ITIH2: variants seen among roughly 807,000 people sequenced by gnomAD.
ITIH2 encodes inter-alpha-trypsin inhibitor heavy chain 2, also known as inter-alpha-trypsin inhibitor heavy chain H2.
ITIH2 carries 103 observed loss-of-function variants against 104.4 expected under a neutral mutation model. The observed-to-expected ratio is 0.99, with a 90% CI of 0.84 to 1.16. ITIH2 has a LOEUF of 1.16. Among genes scored for constraint, ITIH2 ranks in the 50% most tolerant of loss-of-function variants. The pLI is 0.00. For synonymous variants in ITIH2, 436 were observed against 435.4 expected, an observed-to-expected ratio of 1.00 and a Z score of -0.02; for missense variants, 1,108 against 1,162.4, an observed-to-expected ratio of 0.95 and a Z score of 0.68.
chr10:7,717,986 C>T (rs1191706400), intron 6 of ITIH2, among the ~76,000 whole-genome samples, 198 bp downstream of exon 6: 7 of 152,126 alleles, frequency 4.6e-5, no homozygotes, highest in East Asian at 1.9e-4. Flanking sequence ...CCTTAGCAGC[C>T]GTATTATGGT....
At position 7,720,923 on chromosome 10, in the gene ITIH2, A is replaced by G. The variant is rs370966402; in HGVS notation, c.698A>G (p.His233Arg). Residue 233 changes from histidine (H) to arginine (R), a missense_variant, in exon 7 of 21, where the codon CAT becomes CGT. Transcript: ENST00000358415. ...CATGTTCCCGACACATTTGAAGGCCATTTCGATGGTGTTCCGGTCATTTCT... is the reference window on the plus strand; with the variant it reads ...CATGTTCCCGACACATTTGAAGGCCGTTTCGATGGTGTTCCGGTCATTTCT... ...FLHVPDTFEG[H>R]FDGVPVISKG... is the part of the protein sequence containing the mutation. 13 of 1,613,682 alleles carry G rather than the reference A, an allele frequency of 8.1e-6. No individual in the cohort carries two copies. The highest frequency in any genetic ancestry group is 1.6e-4 in the Middle Eastern group (1 of 6,082).
rs371094996 is a variant in ITIH2 at position 7,730,114 on chromosome 10, A to G, written c.1442A>G (p.Asp481Gly). 1.9e-6 allele frequency: 3 copies of G among 1,600,906 alleles called. No individual in the cohort carries two copies. The highest frequency in any genetic ancestry group is 2.6e-6 in the Non-Finnish European group (3 of 1,175,912). The change falls in exon 12 of 21, where the codon GAC becomes GGC. Residue 481 changes from aspartate to glycine, a missense_variant. Asp to Gly is a moderately conservative substitution (Grantham distance 94). Coordinates refer to ENST00000358415, the MANE Select transcript of ITIH2 (RefSeq NM_002216.3). ...GIAQRIYGNQ[D>G]TSSQLKKFYN... ...GCACAAAGGATTTATGGAAACCAGG[A>G]CACGTCTTCCCAGCTTAAGGTAACA...
intron 20 of ITIH2, among the ~76,000 whole-genome samples, chr10:7,748,521 CTTTTTTTTTTTTT>C (rs549517172): frequency 1.4e-3 from 39 of 27,132 alleles, no homozygotes; most frequent in Non-Finnish European, 1.6e-3. Context: ...CCAATGCATT[CTTTTTTTTTTTTT>C]TTTTTTTTTT....
At position 7,734,977 on chromosome 10, in the gene ITIH2, A is replaced by T. The variant is rs748781727; in HGVS notation, c.1843A>T (p.Met615Leu). 1.9e-6 allele frequency: 3 copies of T among 1,613,896 alleles called. No homozygotes were observed. In the South Asian group the frequency reaches 3.3e-5, roughly 18 times the overall value. Residue 615 changes from methionine to leucine, a missense_variant, in exon 15 of 21, where the codon ATG becomes TTG. Transcript: ENST00000358415. ...AAGAATTACAAGATCGATCCTGCAG[A>T]TGTCTCTAGACCACCACATTGTGAC... is the stretch of plus-strand genomic sequence containing the variant. Reference protein sequence around the residue: ...KRRITRSILQMSLDHHIVTPL... With the variant: ...KRRITRSILQLSLDHHIVTPL...
intron 5 of ITIH2, among the ~76,000 whole-genome samples, chr10:7,716,709 C>G (rs1834852827): frequency 7.1e-6 from 1 of 140,964 alleles, no homozygotes; most frequent in Admixed American, 7.7e-5. Context: ...GCACTACAGC[C>G]TGGGCAGCAG....
intron 5 of ITIH2, among the ~76,000 whole-genome samples, chr10:7,715,296 C>T (rs1228439889): frequency 6.6e-6 from 1 of 152,102 alleles, no homozygotes; most frequent in African/African-American, 2.4e-5. Context: ...TGGCGTGTGC[C>T]TGTAATCCCA....
At chr10:7,705,850 C>G (rs1354528071) in intron 2 of ITIH2, among the ~76,000 whole-genome samples, 1 of 152,150 alleles carries the variant, frequency 6.6e-6, no homozygotes, top group African/African-American at 2.4e-5. Context: ...TGCAGCCTCA[C>G]AATCTCCTTC....
Position 7,732,441 on chromosome 10 carries a change from G to T in ITIH2, c.1751G>T (p.Trp584Leu). 1 of 1,613,948 alleles carries T rather than the reference G, an allele frequency of 6.2e-7. No homozygotes were observed. The highest frequency in any genetic ancestry group is 2.2e-5 in the East Asian group (1 of 44,872). Residue 584 changes from tryptophan to leucine, a missense_variant, in exon 14 of 21, where the codon TGG (tryptophan) becomes TTG (leucine). Transcript: ENST00000358415. ...GATCCCGATTTCACCAGGAAACTGT[G>T]GGCCTATCTAACCATCAACCAACTG... ...HADPDFTRKL[W>L]AYLTINQLLA...
chr10:7,713,692 T>G (rs1400742378), intron 5 of ITIH2, among the ~76,000 whole-genome samples: 6 of 152,014 alleles, frequency 3.9e-5, no homozygotes, highest in East Asian at 1.9e-4. Flanking sequence ...GGATAAGGGG[T>G]TTTTTTTAAT....
At chr10:7,714,950 C>T (rs1473061518) in intron 5 of ITIH2, among the ~76,000 whole-genome samples, 1 of 152,144 alleles carries the variant, frequency 6.6e-6, no homozygotes, top group Non-Finnish European at 1.5e-5. Context: ...TGTTTTATAA[C>T]AGTGACTTGG....
chr10:7,729,860 A>T, intron 11 of ITIH2, 92 bp from the exon 12 acceptor site: 1 of 776,638 alleles, frequency 1.3e-6, no homozygotes, highest in Non-Finnish European at 2.0e-6. Flanking sequence ...TTTAATCTGG[A>T]CACACTTTAC....
intron 9 of ITIH2, 26 bp from the exon 10 acceptor site, chr10:7,726,924 C>G (rs368254410): frequency 6.5e-7 from 1 of 1,539,834 alleles, no homozygotes; most frequent in African/African-American, 1.4e-5. Context: ...TGTAATGGGA[C>G]CTGTCTTTAT....
rs1420101840 is a variant in ITIH2 at position 7,734,985 on chromosome 10, AGAC to A, written c.1852_1854del (p.Asp618del). 1 of 1,613,918 alleles carries A rather than the reference AGAC, an allele frequency of 6.2e-7. No individual in the cohort carries two copies. Among genetic ancestry groups the A allele is most frequent in the East Asian group, 2.2e-5 (1 of 44,882 alleles). ...CAAGATCGATCCTGCAGATGTCTCT[AGAC>A]CACCACATTGTGACTCCGCTGACCT... On this transcript the variant is annotated inframe_deletion, in exon 15 of 21. Transcript: ENST00000358415.
chr10:7,740,164 C>T (rs188748445), intron 16 of ITIH2, among the ~76,000 whole-genome samples: 156 of 152,102 alleles, frequency 1.0e-3, no homozygotes, highest in Non-Finnish European at 1.0e-4. Context: ...CCAGCCTGGG[C>T]GACAGAGCAA....
intron 15 of ITIH2, 130 bp from the exon 16 acceptor site, chr10:7,738,491 G>C (rs1440567910): frequency 6.0e-6 from 6 of 999,940 alleles, no homozygotes; most frequent in Middle Eastern, 2.1e-4. Flanking sequence ...GAGAACTCTG[G>C]AATAAAAACA....
intron 11 of ITIH2, 74 bp downstream of exon 11, chr10:7,727,902 G>A: frequency 6.5e-7 from 1 of 1,540,562 alleles, no homozygotes; most frequent in South Asian, 1.1e-5. Context: ...TGCCTAAAAG[G>A]GGAACTCTAA....
chr10:7,731,212 C>T (rs554599685), intron 12 of ITIH2, among the ~76,000 whole-genome samples: 44 of 152,166 alleles, frequency 2.9e-4, no homozygotes, highest in African/African-American at 1.1e-3. Flanking sequence ...CCACCATGCC[C>T]GACCTCCTGC....
chr10:7,718,412 AG>A lies in ITIH2; in HGVS notation c.630+631del, dbSNP rs974685397. On this transcript the variant is annotated intron_variant, in intron 6 of 20. Coordinates refer to ENST00000358415, the MANE Select transcript of ITIH2 (RefSeq NM_002216.3). ...GGTTCCAGAGGTTGGGCGCATCTTT[AG>A]GGGGGGAGGCCACCATTCAACCCAA... 2.8e-4 allele frequency among the ~76,000 whole-genome samples: 43 copies of A among 152,214 alleles called. 1 individual carries two copies. In the East Asian group the frequency reaches 5.4e-3, roughly 19 times the overall value.
At chr10:7,704,905 A>G (rs996715189) in intron 1 of ITIH2, among the ~76,000 whole-genome samples, 1 of 149,694 alleles carries the variant, frequency 6.7e-6, no homozygotes, top group Admixed American at 6.6e-5. Context: ...GGAACATCAC[A>G]CACTGGGGCC....
Sources: gnomAD v4.1 joint callset for allele counts (sites outside exome capture counted in the v4.1 genomes callset) on GRCh38, gnomAD v4.1.1 for gene constraint, MANE v1.5 for transcripts, NCBI Gene and HGNC (gene_info 2026-07-23, HGNC 2026-07-21) for gene names.